Variants in TNFSF4 observed in about 807,000 individuals in gnomAD.
The protein encoded by TNFSF4 is tumor necrosis factor ligand superfamily member 4.
TNFSF4 carries 4 observed loss-of-function variants against 7.3 expected under a neutral mutation model. That is an observed-to-expected ratio of 0.55 (90% CI 0.27 to 1.25). TNFSF4 has a LOEUF of 1.25. Among genes scored for constraint, TNFSF4 ranks in the 50% most tolerant of loss-of-function variants. The pLI, the probability that TNFSF4 is intolerant of heterozygous loss-of-function variation, is 0.12. For synonymous variants in TNFSF4, 76 were observed against 83.7 expected, an observed-to-expected ratio of 0.91 and a Z score of 0.50; for missense variants, 181 against 208.8, an observed-to-expected ratio of 0.87 and a Z score of 0.82.
chr1:173,410,270 A>G, the TNFSF4 span, among the ~76,000 whole-genome samples: 1 of 152,192 alleles, frequency 6.6e-6, no homozygotes. Flanking sequence ...AGAAGTCCAC[A>G]ATCCAGCATA....
At chr1:173,437,960 C>T in the TNFSF4 span, among the ~76,000 whole-genome samples, 38 of 152,196 alleles carry the variant, frequency 2.5e-4, no homozygotes, top group Admixed American at 8.5e-4. Flanking sequence ...ATCACACCTG[C>T]CCCTCCCCAA....
chr1:173,268,241 A>C, the TNFSF4 span, among the ~76,000 whole-genome samples: 1 of 152,154 alleles, frequency 6.6e-6, no homozygotes, highest in Non-Finnish European at 1.5e-5. Context: ...AAGGAGAAAA[A>C]ACAGCAGCAA....
chr1:173,288,102 A>T, the TNFSF4 span, among the ~76,000 whole-genome samples: 1 of 152,248 alleles, frequency 6.6e-6, no homozygotes, highest in Non-Finnish European at 1.5e-5. Flanking sequence ...AACTATAAAG[A>T]GAAGTTAACA....
chr1:173,348,334 T>A, the TNFSF4 span, among the ~76,000 whole-genome samples: 7 of 152,194 alleles, frequency 4.6e-5, no homozygotes, highest in Non-Finnish European at 8.8e-5. Context: ...TCTCCTCTTG[T>A]CTGCCACCAT....
At chr1:173,427,370 A>G in the TNFSF4 span, among the ~76,000 whole-genome samples, 5 of 152,148 alleles carry the variant, frequency 3.3e-5, no homozygotes, top group Non-Finnish European at 7.4e-5. Flanking sequence ...TAGTGGGTAG[A>G]GACCAGGATG....
At chr1:173,180,197 A>G (rs1649027179), downstream of TNFSF4, among the ~76,000 whole-genome samples, 1 of 152,172 alleles carries the variant, frequency 6.6e-6, no homozygotes. Flanking sequence ...CCAAAGTGCT[A>G]TTAGTTTTTT....
chr1:173,191,723 G>A (rs1405909330), intron 1 of TNFSF4, among the ~76,000 whole-genome samples: 6 of 152,192 alleles, frequency 3.9e-5, no homozygotes, highest in Non-Finnish European at 4.4e-5. Flanking sequence ...CTGGTTCTTT[G>A]AATTTGGAAA....
chr1:173,189,209 G>T (rs1172737021), intron 1 of TNFSF4, among the ~76,000 whole-genome samples: 1 of 152,122 alleles, frequency 6.6e-6, no homozygotes, highest in African/African-American at 2.4e-5. Context: ...TCCCATTTTG[G>T]ATAACGTAGC....
chr1:173,222,625 G>T, the TNFSF4 span, among the ~76,000 whole-genome samples: 1 of 152,136 alleles, frequency 6.6e-6, no homozygotes, highest in African/African-American at 2.4e-5. Context: ...CCTAACATAT[G>T]AATACCTTTG....
At chr1:173,314,616 C>T in the TNFSF4 span, among the ~76,000 whole-genome samples, 6,726 of 152,176 alleles carry the variant, frequency 0.044, 452 homozygotes, top group African/African-American at 0.15. Context: ...TCTGTAATCT[C>T]TATTTTCTTT....
At chr1:173,227,649 C>T in the TNFSF4 span, among the ~76,000 whole-genome samples, 1 of 152,222 alleles carries the variant, frequency 6.6e-6, no homozygotes, top group Non-Finnish European at 1.5e-5. Context: ...ATCGCCTCAC[C>T]CGGGAAGCAC....
the TNFSF4 span, among the ~76,000 whole-genome samples, chr1:173,233,143 T>C: frequency 6.6e-6 from 1 of 152,126 alleles, no homozygotes; most frequent in Non-Finnish European, 1.5e-5. Flanking sequence ...AATGACCTGA[T>C]GGAGGTGAAA....
chr1:173,325,040 C>T, the TNFSF4 span, among the ~76,000 whole-genome samples: 4 of 152,196 alleles, frequency 2.6e-5, no homozygotes, highest in Admixed American at 2.0e-4. Context: ...GAACTCTCCA[C>T]CCCAAATCAA....
At chr1:173,251,832 T>C in the TNFSF4 span, among the ~76,000 whole-genome samples, 1 of 152,230 alleles carries the variant, frequency 6.6e-6, no homozygotes, top group Admixed American at 6.5e-5. Flanking sequence ...GAGGAGTCAA[T>C]GCTTAAGACT....
chr1:173,201,741 T>A (rs183892675), intron 1 of TNFSF4, among the ~76,000 whole-genome samples: 1 of 152,172 alleles, frequency 6.6e-6, no homozygotes, highest in African/African-American at 2.4e-5. Flanking sequence ...GCAAATGTTT[T>A]AATTCCTTTG....
the TNFSF4 span, among the ~76,000 whole-genome samples, chr1:173,365,343 C>T: frequency 2.0e-5 from 3 of 152,198 alleles, no homozygotes; most frequent in Non-Finnish European, 4.4e-5. Flanking sequence ...AGTGTTTCCT[C>T]TAGCACAATT....
At chr1:173,200,687 T>C (rs780762684) in intron 1 of TNFSF4, among the ~76,000 whole-genome samples, 4 of 152,234 alleles carry the variant, frequency 2.6e-5, no homozygotes, top group Non-Finnish European at 5.9e-5. Flanking sequence ...CATCTTGATC[T>C]TTGACACTGT....
chr1:173,375,817 G>A, the TNFSF4 span, among the ~76,000 whole-genome samples: 12 of 152,282 alleles, frequency 7.9e-5, no homozygotes, highest in African/African-American at 2.6e-4. Context: ...CCACACTGTG[G>A]AAGCTTTGTT....
chr1:173,216,240 C>T, the TNFSF4 span, among the ~76,000 whole-genome samples: 1 of 152,158 alleles, frequency 6.6e-6, no homozygotes, highest in Non-Finnish European at 1.5e-5. Flanking sequence ...GGCATCTACC[C>T]TCATCTATGC....
Sources: gnomAD v4.1 joint callset for allele counts (sites outside exome capture counted in the v4.1 genomes callset) on GRCh38, gnomAD v4.1.1 for gene constraint, MANE v1.5 for transcripts, NCBI Gene and HGNC (gene_info 2026-07-23, HGNC 2026-07-21) for gene names.